Variants in PHKA1 observed in about 807,000 individuals in gnomAD.
PHKA1 encodes the protein phosphorylase b kinase regulatory subunit alpha, skeletal muscle isoform.
In PHKA1, 60 loss-of-function variants were observed where a neutral mutation model predicts 110.2. The observed-to-expected ratio is 0.54, with a 90% CI of 0.44 to 0.68. The LOEUF (loss-of-function observed/expected upper bound fraction) is 0.68, where lower values mean the gene tolerates loss of function less well. PHKA1 is among the 30% of genes least tolerant of loss of function. PHKA1 has a pLI of 0.00. For missense variants in PHKA1, 801 were observed against 942.5 expected (o/e 0.85, Z 1.97); for synonymous variants, 316 against 333.6 (o/e 0.95, Z 0.58).
intron 29 of PHKA1, among the ~76,000 whole-genome samples, chrX:72,585,714 G>A (rs998771487): frequency 5.4e-5 from 6 of 111,890 alleles, no homozygotes; most frequent in East Asian, 2.8e-4. Flanking sequence ...AGACACTCCC[G>A]CCCAAATACT....
chrX:72,607,009 A>G (rs1174912108), intron 23 of PHKA1, among the ~76,000 whole-genome samples: 10 of 111,801 alleles, frequency 8.9e-5, no homozygotes, highest in African/African-American at 3.3e-4. Context: ...TTCACTTAAC[A>G]TAATGACCTC....
chrX:72,709,308 A>G (rs782029816), intron 2 of PHKA1: 1 of 109,456 alleles, frequency 9.1e-6, no homozygotes, highest in African/African-American at 3.3e-5. Flanking sequence ...CTATATTTCT[A>G]TGGGTATGAG....
intron 6 of PHKA1, among the ~76,000 whole-genome samples, chrX:72,671,728 C>A (rs1452158939): frequency 1.8e-5 from 2 of 111,201 alleles, no homozygotes; most frequent in Admixed American, 9.6e-5. Flanking sequence ...GGTACTGGTA[C>A]CAAAACAGAG....
chrX:72,649,232 T>C (rs2053398291), intron 13 of PHKA1, among the ~76,000 whole-genome samples: 1 of 112,091 alleles, frequency 8.9e-6, no homozygotes, highest in Non-Finnish European at 1.9e-5. Flanking sequence ...ATTTTCCATA[T>C]AGAACCAACC....
intron 29 of PHKA1, among the ~76,000 whole-genome samples, chrX:72,585,491 T>G (rs1051527480): frequency 1.8e-5 from 2 of 111,971 alleles, no homozygotes; most frequent in East Asian, 5.6e-4. Flanking sequence ...AGTCTGCAGC[T>G]CCCAGTGTGA....
chrX:72,669,756 A>G (rs2053662497), intron 6 of PHKA1, among the ~76,000 whole-genome samples: 1 of 110,169 alleles, frequency 9.1e-6, no homozygotes, highest in Admixed American at 9.6e-5. Flanking sequence ...TATATGTGCC[A>G]CATTTTCTTA....
chrX:72,695,714 C>T lies in PHKA1; in HGVS notation c.448G>A (p.Ala150Thr). The change falls in exon 4 of 32, where the codon GCC becomes ACC. Residue 150 changes from alanine (A) to threonine (T), a missense_variant. Ala to Thr is a moderately conservative substitution (Grantham distance 58). This residue lies in a region of PHKA1 where 299 missense variants were observed against 423.3 expected (regional missense o/e 0.71). Coordinates refer to ENST00000373542, the MANE Select transcript of PHKA1 (RefSeq NM_002637.4). ...VYLLFLAQMT[A>T]SGLHIIHSLD... is the part of the protein sequence containing the mutation. Reference sequence around the variant, plus strand: ...CTTCTCTCCTTGTACTGACCTGAGGCAGTCATTTGGGCTAAGAAGAGCAGG... The same window carrying T: ...CTTCTCTCCTTGTACTGACCTGAGGTAGTCATTTGGGCTAAGAAGAGCAGG... 1 of 1,209,830 alleles carries T rather than the reference C, an allele frequency of 8.3e-7. No homozygotes were observed.
chrX:72,624,926 T>C (rs1312004247), intron 17 of PHKA1, among the ~76,000 whole-genome samples: 1 of 111,743 alleles, frequency 8.9e-6, no homozygotes, highest in Non-Finnish European at 1.9e-5. Context: ...TCATGAAAGA[T>C]TGACAAAAGG....
rs1019920013 is a variant in PHKA1 at position 72,654,784 on chromosome X, G to C, written c.1042-1254C>G. Among the ~76,000 whole-genome samples, 70 of 109,023 alleles carry C rather than the reference G, an allele frequency of 6.4e-4. 1 individual carries two copies. Among genetic ancestry groups the C allele is most frequent in the African/African-American group, 2.1e-3 (63 of 30,120 alleles). The allele number at this position is 109,023 out of a possible 115,157, so 94.7% of individuals were successfully genotyped here. Reference sequence around the variant, plus strand: ...CCTGTAGTTTTTATTTCTTAAATATGCATAGCATGGTGATTTTTTTTTTTT... The same window carrying C: ...CCTGTAGTTTTTATTTCTTAAATATCCATAGCATGGTGATTTTTTTTTTTT... On this transcript the variant is annotated intron_variant, in intron 10 of 31. Coordinates refer to ENST00000373542, the MANE Select transcript of PHKA1 (RefSeq NM_002637.4).
intron 25 of PHKA1, among the ~76,000 whole-genome samples, chrX:72,604,357 G>A (rs1481124901): frequency 1.8e-5 from 2 of 111,182 alleles, no homozygotes; most frequent in African/African-American, 6.5e-5. Context: ...GAGGATTCTT[G>A]AAAGGATTAA....
intron 9 of PHKA1, among the ~76,000 whole-genome samples, chrX:72,657,284 T>C (rs2053507723): frequency 1.8e-5 from 2 of 112,285 alleles, no homozygotes; most frequent in Admixed American, 1.9e-4. Context: ...ACAATGCAAA[T>C]ACTATTTCTG....
At chrX:72,584,963 C>T (rs1290825571) in intron 29 of PHKA1, among the ~76,000 whole-genome samples, 2 of 97,045 alleles carry the variant, frequency 2.1e-5, no homozygotes, top group Non-Finnish European at 4.1e-5. Flanking sequence ...CAAGTGTTCC[C>T]ATTGTTCAAT....
intron 17 of PHKA1, among the ~76,000 whole-genome samples, chrX:72,624,733 T>C (rs903003219): frequency 4.5e-5 from 5 of 111,270 alleles, no homozygotes; most frequent in South Asian, 3.8e-4. Flanking sequence ...TCCTAACCAT[T>C]GAAGGGGTGC....
At chrX:72,710,789 C>T (rs1476041910) in intron 2 of PHKA1, among the ~76,000 whole-genome samples, 5 of 105,827 alleles carry the variant, frequency 4.7e-5, no homozygotes, top group African/African-American at 1.7e-4. Context: ...TGTTTCCCTA[C>T]TATTCCCCCT....
At position 72,695,778 on chromosome X, in the gene PHKA1, A is replaced by C; in HGVS notation, c.384T>G (p.Asp128Glu). The change falls in exon 4 of 32, where the codon GAT becomes GAG. Residue 128 changes from aspartate (D) to glutamate (E), a missense_variant. This residue lies in a region of PHKA1 where 299 missense variants were observed against 423.3 expected (regional missense o/e 0.71). Coordinates refer to ENST00000373542, the MANE Select transcript of PHKA1 (RefSeq NM_002637.4). ...TKTCATVVGD[D>E]QWGHLQLDAT... Reference sequence around the variant, plus strand: ...CATCCAACTGCAGGTGTCCCCATTGATCATCACCCACTACAGTGGCACAGG... The same window carrying C: ...CATCCAACTGCAGGTGTCCCCATTGCTCATCACCCACTACAGTGGCACAGG... 1 of 1,204,167 alleles carries C rather than the reference A, an allele frequency of 8.3e-7. No homozygotes were observed. The highest frequency in any genetic ancestry group is 1.1e-6 in the Non-Finnish European group (1 of 891,079).
At chrX:72,669,282 C>T (rs181222376) in intron 6 of PHKA1, among the ~76,000 whole-genome samples, 38 of 111,925 alleles carry the variant, frequency 3.4e-4, no homozygotes, top group Middle Eastern at 9.3e-3. Flanking sequence ...GTTGCTCTAG[C>T]GGGGGCTCTC....
intron 21 of PHKA1, among the ~76,000 whole-genome samples, chrX:72,615,834 G>A (rs781848893): frequency 1.1e-3 from 121 of 109,275 alleles, no homozygotes; most frequent in African/African-American, 3.9e-3. Flanking sequence ...TTAATTAAAT[G>A]GCAGTAGTAA....
chrX:72,699,404 G>C (rs781782914), intron 3 of PHKA1, among the ~76,000 whole-genome samples: 2 of 105,239 alleles, frequency 1.9e-5, no homozygotes, highest in Non-Finnish European at 3.9e-5. Context: ...AGCTACTCAG[G>C]AGGCTGAGGC....
At chrX:72,632,074 C>T (rs965179485) in intron 16 of PHKA1, among the ~76,000 whole-genome samples, 11 of 111,631 alleles carry the variant, frequency 9.9e-5, no homozygotes, top group Non-Finnish European at 1.5e-4. Flanking sequence ...TTTTATGTCA[C>T]GTATCTGGCA....
Sources: allele counts gnomAD v4.1 joint callset (sites outside exome capture counted in the v4.1 genomes callset), GRCh38; gene constraint gnomAD v4.1.1; regional missense constraint gnomAD v4.1.1; transcripts MANE v1.5; gene names NCBI Gene and HGNC (gene_info 2026-07-23, HGNC 2026-07-21).